CYP7B1: variants seen among roughly 807,000 people sequenced by gnomAD.
The protein encoded by CYP7B1 is cytochrome P450 family 7 subfamily B member 1.
CYP7B1 carries 29 observed loss-of-function variants against 42.7 expected under a neutral mutation model. The ratio of observed to expected loss-of-function variants is 0.68; its 90% CI spans 0.51 to 0.93. The LOEUF (loss-of-function observed/expected upper bound fraction) is 0.93. Among genes scored for constraint, CYP7B1 ranks in the 40% least tolerant of loss-of-function variants. The pLI, the probability that CYP7B1 is intolerant of heterozygous loss-of-function variation, is 0.00. For synonymous variants in CYP7B1, 235 were observed against 218.2 expected (o/e 1.08, Z -0.68); for missense variants, 655 against 600.5 (o/e 1.09, Z -0.95).
rs1805066921 is a variant in CYP7B1 at position 64,593,321 on chromosome 8, A to G, written c.*3321T>C. On this transcript the variant is annotated 3_prime_UTR_variant, in exon 6 of 6. Transcript: ENST00000310193. ...CCTTTGCATAAAGCCAAGAACTTGC[A>G]AAGACAACATACTCAATAGGTGAAC... 6.6e-6 allele frequency among the ~76,000 whole-genome samples: 1 copy of G among 151,368 alleles called. No individual in the cohort carries two copies. Among genetic ancestry groups the G allele is most frequent in the Non-Finnish European group, 1.5e-5 (1 of 67,908 alleles).
chr8:64,686,064 C>A (rs866790157), intron 1 of CYP7B1, among the ~76,000 whole-genome samples: 1,593 of 112,266 alleles, frequency 0.014, no homozygotes, highest in Non-Finnish European at 0.022. Flanking sequence ...GGGGGTCAGC[C>A]CCCCCACCCG....
chr8:64,734,750 C>G (rs1807462180), intron 1 of CYP7B1, among the ~76,000 whole-genome samples: 1 of 152,178 alleles, frequency 6.6e-6, no homozygotes, highest in Non-Finnish European at 1.5e-5. Flanking sequence ...CTAGACTGTT[C>G]TACTGGGTAA....
intron 1 of CYP7B1, among the ~76,000 whole-genome samples, chr8:64,789,709 T>C (rs578240538): frequency 5.2e-4 from 79 of 152,330 alleles, no homozygotes; most frequent in African/African-American, 1.7e-3. Flanking sequence ...CAGCACCCAC[T>C]ACAAAGAATC....
chr8:64,673,279 C>T (rs1018260705), intron 1 of CYP7B1, among the ~76,000 whole-genome samples: 2 of 152,124 alleles, frequency 1.3e-5, no homozygotes, highest in Non-Finnish European at 2.9e-5. Flanking sequence ...ATCAAATTCC[C>T]CTTGGCCTTC....
chr8:64,732,273 T>C (rs1006196790), intron 1 of CYP7B1, among the ~76,000 whole-genome samples: 4 of 152,210 alleles, frequency 2.6e-5, no homozygotes, highest in African/African-American at 7.2e-5. Context: ...CCCAAAGCCA[T>C]GGAAGCCCAC....
chr8:64,745,249 G>A (rs564173230), intron 1 of CYP7B1, among the ~76,000 whole-genome samples: 4 of 152,198 alleles, frequency 2.6e-5, no homozygotes, highest in Non-Finnish European at 4.4e-5. Flanking sequence ...TCTCTGCATA[G>A]ACGAAAATGT....
intron 1 of CYP7B1, among the ~76,000 whole-genome samples, chr8:64,638,789 G>A (rs4358837): frequency 0.062 from 9,422 of 152,074 alleles, 390 homozygotes; most frequent in South Asian, 0.16. Flanking sequence ...AACTGGCAGA[G>A]AGAACCTAGG....
chr8:64,798,389 A>G, intron 1 of CYP7B1, 77 bp downstream of exon 1: 1 of 1,422,214 alleles, frequency 7.0e-7, no homozygotes. Context: ...ATGGAGGGGG[A>G]CTCCCCTCGC....
intron 1 of CYP7B1, among the ~76,000 whole-genome samples, chr8:64,738,281 T>A (rs1445466352): frequency 6.6e-6 from 1 of 152,156 alleles, no homozygotes; most frequent in East Asian, 1.9e-4. Flanking sequence ...ACTCCATATA[T>A]TTAGCATTCT....
intron 1 of CYP7B1, chr8:64,728,970 G>A (rs1364715135): frequency 6.6e-6 from 1 of 152,154 alleles, no homozygotes; most frequent in Non-Finnish European, 1.5e-5. Context: ...AACAGCCTGA[G>A]GAACATGGCA....
intron 1 of CYP7B1, 97 bp downstream of exon 1, chr8:64,798,369 A>T: frequency 7.1e-7 from 1 of 1,399,864 alleles, no homozygotes; most frequent in Non-Finnish European, 9.2e-7. Flanking sequence ...GACTGTCTGC[A>T]CTGGAAATCA....
At chr8:64,642,063 C>G (rs1411721880) in intron 1 of CYP7B1, among the ~76,000 whole-genome samples, 2 of 152,140 alleles carry the variant, frequency 1.3e-5, no homozygotes, top group Non-Finnish European at 2.9e-5. Flanking sequence ...TTGCATACCT[C>G]ACACTGATTG....
chr8:64,614,104 CAG>C (rs1805399585), intron 4 of CYP7B1, among the ~76,000 whole-genome samples: 1 of 152,120 alleles, frequency 6.6e-6, no homozygotes, highest in Non-Finnish European at 1.5e-5. Context: ...AATGTCAATA[CAG>C]AGAGAATAGA....
At chr8:64,791,167 A>G (rs1804611233) in intron 1 of CYP7B1, among the ~76,000 whole-genome samples, 1 of 152,110 alleles carries the variant, frequency 6.6e-6, no homozygotes, top group African/African-American at 2.4e-5. Context: ...GAGACAATAA[A>G]TTTCTATTGT....
At chr8:64,667,028 T>C (rs1166430535) in intron 1 of CYP7B1, among the ~76,000 whole-genome samples, 1 of 152,206 alleles carries the variant, frequency 6.6e-6, no homozygotes, top group Non-Finnish European at 1.5e-5. Flanking sequence ...CAGGATATTA[T>C]AGAAAGAAGC....
chr8:64,610,866 C>T (rs1805352983), intron 4 of CYP7B1, among the ~76,000 whole-genome samples: 2 of 152,222 alleles, frequency 1.3e-5, no homozygotes, highest in Admixed American at 6.5e-5. Flanking sequence ...GGTTCTGCCA[C>T]TATCTAGCTG....
At chr8:64,741,817 GA>G (rs1807573704) in intron 1 of CYP7B1, among the ~76,000 whole-genome samples, 1 of 152,092 alleles carries the variant, frequency 6.6e-6, no homozygotes, top group South Asian at 2.1e-4. Flanking sequence ...TATATATGCA[GA>G]AAACTACAAA....
intron 1 of CYP7B1, among the ~76,000 whole-genome samples, chr8:64,724,407 A>G (rs1807291271): frequency 6.6e-6 from 1 of 152,174 alleles, no homozygotes. Flanking sequence ...TCAGCCTCCC[A>G]AAGTGCTGGG....
At chr8:64,737,514 G>C (rs996687035) in intron 1 of CYP7B1, among the ~76,000 whole-genome samples, 9 of 152,240 alleles carry the variant, frequency 5.9e-5, no homozygotes, top group African/African-American at 2.2e-4. Context: ...CATCCTGCTA[G>C]TTCCCTCATT....
Sources: allele counts gnomAD v4.1 joint callset (sites outside exome capture counted in the v4.1 genomes callset), GRCh38; gene constraint gnomAD v4.1.1; transcripts MANE v1.5; gene names NCBI Gene and HGNC (gene_info 2026-07-23, HGNC 2026-07-21).